The following CLN6 variants were observed in gnomAD, a reference collection of about 807,000 sequenced individuals.
CLN6 encodes the protein CLN6 transmembrane ER protein.
In CLN6, 22 loss-of-function variants were observed where a neutral mutation model predicts 33.3. The ratio of observed to expected loss-of-function variants is 0.66; its 90% CI spans 0.47 to 0.94. CLN6 has a LOEUF of 0.94. CLN6 is among the 40% of genes least tolerant of loss of function. CLN6 has a pLI of 0.00. For missense variants in CLN6, 387 were observed against 417.1 expected (o/e 0.93, Z 0.63); for synonymous variants, 201 against 174.6 (o/e 1.15, Z -1.19).
At chr15:68,234,627 G>A (rs763372645), upstream of CLN6, among the ~76,000 whole-genome samples, 8 of 152,154 alleles carry the variant, frequency 5.3e-5, no homozygotes, top group African/African-American at 9.7e-5. This position sits in a 1 kb window ranked among gnomAD's most constrained non-coding sequence, Gnocchi z 4.1. Flanking sequence ...TTCCCCTCCC[G>A]TCTGCTGCTG....
In CLN6 at chr15:68,220,806, C is replaced by A. The variant is rs564964928; in HGVS notation, c.84-2156G>T. On this transcript the variant is annotated intron_variant, in intron 1 of 6. Coordinates refer to ENST00000249806, the MANE Select transcript of CLN6 (RefSeq NM_017882.3). This position sits in a 1 kb window ranked among gnomAD's most constrained non-coding sequence, Gnocchi z 4.2. ...AACCTGGGTTTATGTTAATTCAAGA[C>A]CTGTGCTCTTAATAGCTTGCTATTC... 4.3e-4 allele frequency among the ~76,000 whole-genome samples: 66 copies of A among 152,284 alleles called. No homozygotes were observed. In the South Asian group the frequency reaches 8.3e-3, roughly 19 times the overall value.
At chr15:68,218,226 T>C (rs1350144970) in intron 2 of CLN6, 2 of 341,382 alleles carry the variant, frequency 5.9e-6, no homozygotes, top group Non-Finnish European at 1.1e-5. Flanking sequence ...TCTTGGTGAT[T>C]TGGTTCAACC....
chr15:68,218,315 A>T lies in CLN6; in HGVS notation c.198+221T>A, dbSNP rs952704073. ...ACTGTTCAGGACCACCAGTTCCCCCATGAGAGTTGGGGCAAAGTATGACTC... is the reference window on the plus strand; with the variant it reads ...ACTGTTCAGGACCACCAGTTCCCCCTTGAGAGTTGGGGCAAAGTATGACTC... On this transcript the variant is annotated intron_variant, in intron 2 of 6. Coordinates refer to ENST00000249806, the MANE Select transcript of CLN6 (RefSeq NM_017882.3). 96 of 483,912 alleles carry T rather than the reference A, an allele frequency of 2.0e-4. 1 individual carries two copies. The highest frequency in any genetic ancestry group is 2.7e-5 in the Non-Finnish European group (7 of 258,950). The allele number at this position is 483,912 out of a possible 1,614,324, so 30.0% of individuals were successfully genotyped here. A position where few individuals can be genotyped will look rare whatever the true frequency, so the allele number is the denominator to read the frequency against.
chr15:68,229,645 GC>G lies in CLN6; in HGVS notation c.-62del, dbSNP rs1318129461. On this transcript the variant is annotated 5_prime_UTR_variant, in exon 1 of 7. Coordinates refer to ENST00000249806, the MANE Select transcript of CLN6 (RefSeq NM_017882.3). ...AGGAAGAGACCGGTTCAGCTCGGCTGCCCCGGCGGAGGCCGCCGCAAATTCC... is the reference window on the plus strand; with the variant it reads ...AGGAAGAGACCGGTTCAGCTCGGCTGCCCGGCGGAGGCCGCCGCAAATTCC... The G allele has an allele frequency of 1.5e-6, 2 of 1,326,602 alleles. No individual in the cohort carries two copies. The allele number at this position is 1,326,602 out of a possible 1,614,324, so 82.2% of individuals were successfully genotyped here. A position where few individuals can be genotyped will look rare whatever the true frequency, so the allele number is the denominator to read the frequency against.
At position 68,211,852 on chromosome 15, in the gene CLN6, C is replaced by A. The variant is rs2141139457; in HGVS notation, c.309G>T (p.Arg103=). 1 of 1,613,594 alleles carries A rather than the reference C, an allele frequency of 6.2e-7. No individual in the cohort carries two copies. ...TGGAGCGTGGCAGGGTGCGGGGGGA[C>A]CGCTCGATGAGCTGGGGTTCAGAGT... ...TPFLLLKLIE[R]SPRTLPRSIT... Residue 103 remains arginine (R), a synonymous_variant, in exon 4 of 7, where the codon CGG becomes CGT. Coordinates refer to ENST00000249806, the MANE Select transcript of CLN6 (RefSeq NM_017882.3). This position sits in a 1 kb window ranked among gnomAD's most constrained non-coding sequence, Gnocchi z 5.9.
rs991618558 is a variant in CLN6, at chr15:68,208,655, T to G, written c.666-245A>C. On this transcript the variant is annotated intron_variant, in intron 6 of 6. Transcript: ENST00000249806. The surrounding 1 kb of genome is among the most constrained non-coding windows in gnomAD (Gnocchi z 5.8). ...ATTTAAATAACAGAATACCTACAAATGTATATTTCTGGCTTCTCTGGTCAC... is the reference window on the plus strand; with the variant it reads ...ATTTAAATAACAGAATACCTACAAAGGTATATTTCTGGCTTCTCTGGTCAC... 2.6e-5 allele frequency among the ~76,000 whole-genome samples: 4 copies of G among 152,252 alleles called. No homozygotes were observed. The highest frequency in any genetic ancestry group is 9.6e-5 in the African/African-American group (4 of 41,464).
intron 2 of CLN6, 103 bp from the exon 3 acceptor site, chr15:68,214,491 A>AC (rs1477085747): frequency 1.2e-5 from 8 of 695,554 alleles, no homozygotes; most frequent in African/African-American, 2.3e-5. Context: ...AACTCCTTTC[A>AC]CCCCCCACCC....
chr15:68,229,237 C>T (rs1020585790), intron 1 of CLN6, among the ~76,000 whole-genome samples: 1 of 152,224 alleles, frequency 6.6e-6, no homozygotes, highest in Non-Finnish European at 1.5e-5. Context: ...AAACCCCAAA[C>T]TTCGGGCGGG....
chr15:68,221,394 A>G (rs1236116673), intron 1 of CLN6, among the ~76,000 whole-genome samples: 1 of 151,554 alleles, frequency 6.6e-6, no homozygotes, highest in Admixed American at 6.6e-5. Flanking sequence ...GCCACACCTG[A>G]CTGGTTTTTG....
rs1050618021 is a variant in CLN6 at position 68,220,045 on chromosome 15, T to G, written c.84-1395A>C. On this transcript the variant is annotated intron_variant, in intron 1 of 6. Transcript: ENST00000249806. This position sits in a 1 kb window ranked among gnomAD's most constrained non-coding sequence, Gnocchi z 4.2. The stretch of plus-strand genomic sequence containing the variant: ...TCTGTCGATACTGCTGTTGCTTCCC[T>G]AATTTTCTGAGATCCCTTCCTGCCA... 1.3e-5 allele frequency among the ~76,000 whole-genome samples: 2 copies of G among 152,200 alleles called. No individual in the cohort carries two copies. Among genetic ancestry groups the G allele is most frequent in the Non-Finnish European group, 2.9e-5 (2 of 68,036 alleles).
chr15:68,214,831 A>C, intron 2 of CLN6: 1 of 260,976 alleles, frequency 3.8e-6, no homozygotes, highest in Non-Finnish European at 7.6e-6. Context: ...CAGAGGGCCT[A>C]CTTGGACCGT....
upstream of CLN6, among the ~76,000 whole-genome samples, chr15:68,234,603 T>C (rs1467005034): frequency 6.6e-6 from 1 of 152,190 alleles, no homozygotes; most frequent in Admixed American, 6.5e-5. This position sits in a 1 kb window ranked among gnomAD's most constrained non-coding sequence, Gnocchi z 4.1. Context: ...GCTGAATTGC[T>C]CTCTGCTAGC....
At position 68,207,798 on chromosome 15, in the gene CLN6, C is replaced by T. The variant is rs1041141417; in HGVS notation, c.*342G>A. On this transcript the variant is annotated 3_prime_UTR_variant, in exon 7 of 7. Coordinates refer to ENST00000249806, the MANE Select transcript of CLN6 (RefSeq NM_017882.3). ...TCCTGCACGGCTACCAGAAGATGTC[C>T]GGGAAGAACAGACTAGCCCTGAGTA... The T allele has an allele frequency of 1.8e-5, 7 of 378,790 alleles. No individual in the cohort carries two copies. The highest frequency in any genetic ancestry group is 4.6e-5 in the South Asian group (2 of 43,772). 23.5% of individuals were successfully genotyped at this position (378,790 alleles called of 1,614,324 possible). A position where few individuals can be genotyped will look rare whatever the true frequency, so the allele number is the denominator to read the frequency against.
chr15:68,208,256 C>A lies in CLN6; in HGVS notation c.820G>T (p.Ala274Ser). Reference sequence around the variant, plus strand: ...TTCCACAGCCAGGCGACCCAGAGCGCCACAAGCAAGAGGGTCAGTGCGAAG... The same window carrying A: ...TTCCACAGCCAGGCGACCCAGAGCGACACAAGCAAGAGGGTCAGTGCGAAG... ...SSFALTLLLV[A>S]LWVAWLWNDP... Residue 274 changes from alanine to serine, a missense_variant, in exon 7 of 7, where the codon GCG becomes TCG. Transcript: ENST00000249806. The surrounding 1 kb of genome is among the most constrained non-coding windows in gnomAD (Gnocchi z 5.8). The A allele has an allele frequency of 6.2e-7, 1 of 1,614,094 alleles. No individual in the cohort carries two copies. The highest frequency in any genetic ancestry group is 8.5e-7 in the Non-Finnish European group (1 of 1,180,034).
At chr15:68,244,026 C>T (rs1266821444) in intron 1 of CLN6, among the ~76,000 whole-genome samples, 1 of 151,640 alleles carries the variant, frequency 6.6e-6, no homozygotes, top group African/African-American at 2.4e-5. Flanking sequence ...GATAGGGCCA[C>T]TGTACTCCAG....
intron 1 of CLN6, chr15:68,254,646 A>C (rs1892414862): frequency 7.3e-6 from 5 of 683,350 alleles, no homozygotes; most frequent in Non-Finnish European, 7.9e-6. Context: ...CCCAGGAGAA[A>C]GGCTGAAGGT....
At chr15:68,244,570 C>G (rs1238111390) in intron 1 of CLN6, among the ~76,000 whole-genome samples, 2 of 152,016 alleles carry the variant, frequency 1.3e-5, no homozygotes, top group African/African-American at 4.8e-5. Context: ...TGGAGTTCTT[C>G]AATCTGAAAG....
rs993586075 is a variant in CLN6 at position 68,228,642 on chromosome 15, T to C, written c.83+860A>G. ...CCTGGATGGAACAGCCTGTCTTCCC[T>C]GGGTCCCCTACCAAGTCCTCTGAGA... On this transcript the variant is annotated intron_variant, in intron 1 of 6. Transcript: ENST00000249806. This position sits in a 1 kb window ranked among gnomAD's most constrained non-coding sequence, Gnocchi z 4.4. 6.6e-6 allele frequency among the ~76,000 whole-genome samples: 1 copy of C among 152,134 alleles called. No homozygotes were observed. Among genetic ancestry groups the C allele is most frequent in the African/African-American group, 2.4e-5 (1 of 41,416 alleles).
At chr15:68,232,378 T>G (rs1309431851), upstream of CLN6, among the ~76,000 whole-genome samples, 1 of 152,148 alleles carries the variant, frequency 6.6e-6, no homozygotes, top group African/African-American at 2.4e-5. This position sits in a 1 kb window ranked among gnomAD's most constrained non-coding sequence, Gnocchi z 4.7. Flanking sequence ...AGGCTGGTCT[T>G]GATCTACTGA....
Sources: allele counts gnomAD v4.1 joint callset (sites outside exome capture counted in the v4.1 genomes callset), GRCh38; gene constraint gnomAD v4.1.1; non-coding constraint Gnocchi (gnomAD v3.1); transcripts MANE v1.5; gene names NCBI Gene and HGNC (gene_info 2026-07-23, HGNC 2026-07-21).